NT5E: variants seen among roughly 807,000 people sequenced by gnomAD.
NT5E encodes the protein 5'-nucleotidase ecto.
Under a neutral mutation model 55.1 loss-of-function variants are expected in NT5E, and 53 were observed. The ratio of observed to expected loss-of-function variants is 0.96; its 90% CI spans 0.77 to 1.21. The LOEUF is 1.21. Among genes scored for constraint, NT5E ranks in the 50% most tolerant of loss-of-function variants. The pLI is 0.00. For missense variants in NT5E, 683 were observed against 724.3 expected (o/e 0.94, Z 0.65); for synonymous variants, 270 against 278.4 (o/e 0.97, Z 0.30).
At chr6:85,489,268 T>C (rs1769733440) in intron 5 of NT5E, among the ~76,000 whole-genome samples, 1 of 151,922 alleles carries the variant, frequency 6.6e-6, no homozygotes, top group East Asian at 1.9e-4. Flanking sequence ...CCTGACAGTA[T>C]GGGAGTTTTA....
chr6:85,490,629 G>C lies in NT5E; in HGVS notation c.1332G>C (p.Gln444His). 4 of 1,614,080 alleles carry C rather than the reference G, an allele frequency of 2.5e-6. No homozygotes were observed. The highest frequency in any genetic ancestry group is 3.4e-6 in the Non-Finnish European group (4 of 1,179,938). ...AGCATAGCGTGCACCGCTACGGCCA[G>C]TCCACTGGAGAGTTCCTGCAGGTGG... ...AFEHSVHRYG[Q>H]STGEFLQVGG... Residue 444 changes from glutamine to histidine, a missense_variant, in exon 7 of 9, where the codon CAG becomes CAC. Coordinates refer to ENST00000257770, the MANE Select transcript of NT5E (RefSeq NM_002526.4).
chr6:85,489,617 G>T lies in NT5E; in HGVS notation c.1210+18G>T. The T allele has an allele frequency of 6.5e-7, 1 of 1,539,432 alleles. No individual in the cohort carries two copies. Among genetic ancestry groups the T allele is most frequent in the Admixed American group, 1.7e-5 (1 of 59,662 alleles). On this transcript the variant is annotated intron_variant, in intron 6 of 8. Transcript: ENST00000257770. ...CAACAATGGTATGCTCCCAGGCCCAGCTCCTCAGTGTGTCATGTTCTCTCT... is the reference window on the plus strand; with the variant it reads ...CAACAATGGTATGCTCCCAGGCCCATCTCCTCAGTGTGTCATGTTCTCTCT...
rs1769851179 is a variant in NT5E, at chr6:85,494,458, C to T, written c.*454C>T. The T allele has an allele frequency of 1.1e-5, 2 of 189,140 alleles. No homozygotes were observed. The highest frequency in any genetic ancestry group is 2.2e-5 in the Non-Finnish European group (2 of 90,562). The allele number at this position is 189,140 out of a possible 1,614,324, so 11.7% of individuals were successfully genotyped here. ...CCTGTCAGATGAAAAAACTGAAGCT[C>T]AAAAAGGGTTGACTTGACCATACAG... On this transcript the variant is annotated 3_prime_UTR_variant, in exon 9 of 9. Coordinates refer to ENST00000257770, the MANE Select transcript of NT5E (RefSeq NM_002526.4).
At chr6:85,459,718 TAAATG>T (rs1335135190) in intron 1 of NT5E, among the ~76,000 whole-genome samples, 1 of 152,206 alleles carries the variant, frequency 6.6e-6, no homozygotes, top group Non-Finnish European at 1.5e-5. Flanking sequence ...TTGTTATTGT[TAAATG>T]AACCCTGTGG....
chr6:85,471,498 G>A, intron 3 of NT5E, 73 bp downstream of exon 3: 1 of 1,261,082 alleles, frequency 7.9e-7, no homozygotes, highest in Non-Finnish European at 1.1e-6. Context: ...CTTTGTAACT[G>A]TTATTACTCT....
intron 3 of NT5E, among the ~76,000 whole-genome samples, chr6:85,480,369 G>A (rs979080681): frequency 4.6e-5 from 7 of 152,218 alleles, no homozygotes; most frequent in African/African-American, 1.7e-4. Flanking sequence ...ATAGATAACA[G>A]TACCTGACCC....
chr6:85,467,404 A>T (rs1769218649), intron 2 of NT5E, 122 bp downstream of exon 2: 1 of 795,286 alleles, frequency 1.3e-6, no homozygotes, highest in Non-Finnish European at 2.1e-6. Context: ...CACTAGAATA[A>T]CACTGATAAA....
At chr6:85,484,766 C>T (rs1769615534) in intron 3 of NT5E, among the ~76,000 whole-genome samples, 1 of 152,128 alleles carries the variant, frequency 6.6e-6, no homozygotes, top group South Asian at 2.1e-4. Context: ...TACAATGTGC[C>T]AGGCACCCCA....
At chr6:85,493,310 T>C (rs1769825011) in intron 8 of NT5E, among the ~76,000 whole-genome samples, 1 of 152,182 alleles carries the variant, frequency 6.6e-6, no homozygotes, top group Admixed American at 6.5e-5. Context: ...TCTTAAGTAC[T>C]GGAGTGATAT....
Position 85,495,456 on chromosome 6 carries a change from T to A in NT5E, c.*1452T>A, listed in dbSNP as rs1769872363. The A allele has an allele frequency of 6.6e-6, 1 of 152,244 alleles. No homozygotes were observed. The highest frequency in any genetic ancestry group is 6.5e-5 in the Admixed American group (1 of 15,290). The allele number at this position is 152,244 out of a possible 1,614,324, so 9.4% of individuals were successfully genotyped here. The stretch of plus-strand genomic sequence containing the variant: ...ATGTTTGTTTCTTAGTGTTTACAAA[T>A]ATTAAGTACTCTTGATACAAAATAT... On this transcript the variant is annotated 3_prime_UTR_variant, in exon 9 of 9. Transcript: ENST00000257770.
At chr6:85,472,300 T>C (rs1352362233) in intron 3 of NT5E, among the ~76,000 whole-genome samples, 2 of 152,166 alleles carry the variant, frequency 1.3e-5, no homozygotes, top group Non-Finnish European at 2.9e-5. Context: ...CCATGCTATT[T>C]TGATAAAAGC....
intron 4 of NT5E, 143 bp downstream of exon 4, chr6:85,485,575 T>C (rs751679556): frequency 4.5e-5 from 38 of 851,344 alleles, no homozygotes; most frequent in Non-Finnish European, 6.1e-5. Context: ...GAGTTTGCCC[T>C]CTTCATGGAT....
At chr6:85,462,405 T>A (rs1317719212) in intron 1 of NT5E, among the ~76,000 whole-genome samples, 1 of 152,144 alleles carries the variant, frequency 6.6e-6, no homozygotes, top group Non-Finnish European at 1.5e-5. Context: ...TCTGCCAGAT[T>A]TTCAGGTGCC....
intron 5 of NT5E, 87 bp downstream of exon 5, chr6:85,487,576 G>A (rs1769695726): frequency 8.6e-6 from 13 of 1,516,330 alleles, no homozygotes; most frequent in East Asian, 6.8e-5. Context: ...GGGATAGATC[G>A]ATAGCTACAG....
chr6:85,488,006 A>G (rs1379421785), intron 5 of NT5E, among the ~76,000 whole-genome samples: 2 of 152,218 alleles, frequency 1.3e-5, no homozygotes, highest in African/African-American at 2.4e-5. Flanking sequence ...AGATAAAAGC[A>G]TATCTGTTTG....
At chr6:85,479,097 A>C (rs1008396495) in intron 3 of NT5E, among the ~76,000 whole-genome samples, 4 of 152,170 alleles carry the variant, frequency 2.6e-5, no homozygotes, top group African/African-American at 9.7e-5. Flanking sequence ...TATTTTTATA[A>C]CAAATTTTTA....
In NT5E at chr6:85,471,263, A is replaced by G; in HGVS notation, c.589A>G (p.Ile197Val). 2 of 1,609,730 alleles carry G rather than the reference A, an allele frequency of 1.2e-6. No individual in the cohort carries two copies. The highest frequency in any genetic ancestry group is 1.7e-6 in the Non-Finnish European group (2 of 1,177,422). ...GACAAATTTAGTGTTTGAAGATGAA[A>G]TCACTGCATTACAACCTGAAGTAGA... ...PGTNLVFEDEITALQPEVDKL... is the reference protein window; with the variant it reads ...PGTNLVFEDEVTALQPEVDKL... Residue 197 changes from isoleucine (I) to valine (V), a missense_variant, in exon 3 of 9, where the codon ATC becomes GTC. Ile to Val is a conservative substitution (Grantham distance 29, BLOSUM62 3). Coordinates refer to ENST00000257770, the MANE Select transcript of NT5E (RefSeq NM_002526.4).
At chr6:85,455,558 C>G (rs1768971246) in intron 1 of NT5E, among the ~76,000 whole-genome samples, 1 of 152,230 alleles carries the variant, frequency 6.6e-6, no homozygotes, top group African/African-American at 2.4e-5. Flanking sequence ...GGCTGTTCAT[C>G]TATATCCTTT....
At chr6:85,489,753 G>T (rs1346768186) in intron 6 of NT5E, among the ~76,000 whole-genome samples, 154 bp downstream of exon 6, 1 of 152,096 alleles carries the variant, frequency 6.6e-6, no homozygotes, top group Non-Finnish European at 1.5e-5. Flanking sequence ...ATTAGGGTTA[G>T]CCATTATTAA....
Sources: gnomAD v4.1 joint callset for allele counts (sites outside exome capture counted in the v4.1 genomes callset) on GRCh38, gnomAD v4.1.1 for gene constraint, MANE v1.5 for transcripts, NCBI Gene and HGNC (gene_info 2026-07-23, HGNC 2026-07-21) for gene names.